STK39: variants seen among roughly 807,000 people sequenced by gnomAD.
The protein encoded by STK39 is serine/threonine kinase 39.
In STK39, 20 loss-of-function variants were observed where a neutral mutation model predicts 77.8. That is an observed-to-expected ratio of 0.26 (90% CI 0.18 to 0.37). STK39 has a LOEUF of 0.37. Ranked by LOEUF, STK39 falls within the 10% of genes least tolerant of loss-of-function variation. The probability of loss-of-function intolerance (pLI) is 1.00; values close to 1 mark genes in which losing one functional copy is unlikely to be tolerated. For synonymous variants in STK39, 246 were observed against 234.1 expected, an observed-to-expected ratio of 1.05 and a Z score of -0.47; for missense variants, 479 against 656.5, an observed-to-expected ratio of 0.73 and a Z score of 2.95.
Position 167,955,518 on chromosome 2 carries a change from A to C in STK39, c.1616T>G (p.Phe539Cys). 2 of 1,613,968 alleles carry C rather than the reference A, an allele frequency of 1.2e-6. No homozygotes were observed. Among genetic ancestry groups the C allele is most frequent in the Non-Finnish European group, 1.7e-6 (2 of 1,179,918 alleles). ...ACATCAGCTGACACTCAACTGAGCAAACCCAATCAGCTTCACTTCATCAGG... is the reference window on the plus strand; with the variant it reads ...ACATCAGCTGACACTCAACTGAGCACACCCAATCAGCTTCACTTCATCAGG... ...EIPDEVKLIG[F>C]AQLSVS The change falls in exon 18 of 18, where the codon TTT becomes TGT. Residue 539 changes from phenylalanine to cysteine, a missense_variant. Phe to Cys is a radical substitution (Grantham distance 205). Transcript: ENST00000355999.
At chr2:168,069,387 AAC>A (rs1217878244) in intron 12 of STK39, among the ~76,000 whole-genome samples, 1 of 152,242 alleles carries the variant, frequency 6.6e-6, no homozygotes, top group African/African-American at 2.4e-5. Flanking sequence ...AGAATTAGGA[AAC>A]AGAAATATTT....
At chr2:167,956,452 G>A (rs1239618984) in intron 17 of STK39, among the ~76,000 whole-genome samples, 1 of 151,902 alleles carries the variant, frequency 6.6e-6, no homozygotes, top group Non-Finnish European at 1.5e-5. Flanking sequence ...AGCTACTTGG[G>A]AGGCTGAGGG....
intron 14 of STK39, among the ~76,000 whole-genome samples, chr2:168,053,381 A>G (rs541821981): frequency 4.1e-4 from 63 of 152,290 alleles, no homozygotes; most frequent in African/African-American, 1.5e-3. Flanking sequence ...ATACAATAAC[A>G]TTTAAAAAAT....
At chr2:167,964,751 A>G (rs766380312) in intron 16 of STK39, 25 bp from the exon 17 acceptor site, 2 of 1,580,238 alleles carry the variant, frequency 1.3e-6, no homozygotes, top group South Asian at 2.3e-5. Flanking sequence ...CGTAGAGAGA[A>G]AGTTTCCAGA....
At chr2:168,030,934 G>A (rs1383197017) in intron 14 of STK39, among the ~76,000 whole-genome samples, 1 of 152,192 alleles carries the variant, frequency 6.6e-6, no homozygotes, top group East Asian at 1.9e-4. Flanking sequence ...ATACATCAGG[G>A]CACACTTGCC....
chr2:168,006,437 T>C (rs1419166412), intron 16 of STK39, among the ~76,000 whole-genome samples: 1 of 152,186 alleles, frequency 6.6e-6, no homozygotes, highest in Non-Finnish European at 1.5e-5. Context: ...GTGTTTTGCA[T>C]TTTTCCCCCG....
At chr2:167,973,903 A>G (rs1287232002) in intron 16 of STK39, among the ~76,000 whole-genome samples, 3 of 152,180 alleles carry the variant, frequency 2.0e-5, no homozygotes, top group Non-Finnish European at 4.4e-5. Context: ...CACAAACAGG[A>G]TTTTCTTAAA....
chr2:168,178,798 T>C (rs958995674), intron 2 of STK39, among the ~76,000 whole-genome samples: 1 of 152,192 alleles, frequency 6.6e-6, no homozygotes, highest in African/African-American at 2.4e-5. Flanking sequence ...AAACCCTGGA[T>C]CCAGCTCTGT....
chr2:168,129,813 T>G lies in STK39; in HGVS notation c.975-55A>C, dbSNP rs904853548. 6 of 1,583,620 alleles carry G rather than the reference T, an allele frequency of 3.8e-6. No homozygotes were observed. The Admixed American group carries it at 1.0e-4, about 26-fold the overall frequency. ...AACAATGACCACTTAATAAATGCAC[T>G]GCCTTGATGAAACAACTTAACCTTA... On this transcript the variant is annotated intron_variant, in intron 8 of 17. Coordinates refer to ENST00000355999, the MANE Select transcript of STK39 (RefSeq NM_013233.3).
intron 16 of STK39, among the ~76,000 whole-genome samples, chr2:168,010,888 A>G (rs1684253147): frequency 6.6e-6 from 1 of 152,264 alleles, no homozygotes. Flanking sequence ...CAAAGTTACT[A>G]GGAACAAATT....
At chr2:168,226,125 C>A (rs1232884506) in intron 1 of STK39, among the ~76,000 whole-genome samples, 1 of 152,116 alleles carries the variant, frequency 6.6e-6, no homozygotes. Flanking sequence ...CAGGTAAAAA[C>A]AGCCAGAGAA....
chr2:167,972,987 G>A (rs1415206615), intron 16 of STK39, among the ~76,000 whole-genome samples: 1 of 152,082 alleles, frequency 6.6e-6, no homozygotes, highest in South Asian at 2.1e-4. Context: ...TCCTGGCCCT[G>A]TTCTTCCAAG....
intron 16 of STK39, among the ~76,000 whole-genome samples, chr2:167,975,553 C>T (rs566697921): frequency 4.1e-4 from 63 of 152,302 alleles, no homozygotes; most frequent in African/African-American, 1.1e-3. Context: ...CGGTGGCTCA[C>T]GCCTGTAATC....
chr2:168,077,529 A>C (rs1686111432), intron 10 of STK39, among the ~76,000 whole-genome samples: 2 of 152,226 alleles, frequency 1.3e-5, no homozygotes, highest in Admixed American at 1.3e-4. Flanking sequence ...TAAGCAATAA[A>C]CATTGGTTAA....
intron 12 of STK39, 122 bp downstream of exon 12, chr2:168,074,860 G>C: frequency 8.6e-7 from 1 of 1,157,462 alleles, no homozygotes; most frequent in Non-Finnish European, 1.2e-6. Flanking sequence ...CAAAGTCCTC[G>C]TGCCTTTCCT....
chr2:167,963,727 G>A (rs973665946), intron 17 of STK39, among the ~76,000 whole-genome samples: 3 of 152,080 alleles, frequency 2.0e-5, no homozygotes, highest in Non-Finnish European at 4.4e-5. Flanking sequence ...TCTAAAATTA[G>A]ATGGGAAGCA....
intron 2 of STK39, among the ~76,000 whole-genome samples, chr2:168,167,962 TA>T (rs1176244708): frequency 2.0e-5 from 3 of 152,190 alleles, no homozygotes; most frequent in East Asian, 3.9e-4. Context: ...TTCCATTAAC[TA>T]AAAAAAGGAG....
intron 16 of STK39, among the ~76,000 whole-genome samples, chr2:168,000,977 G>A (rs1402211271): frequency 6.6e-6 from 1 of 152,158 alleles, no homozygotes; most frequent in Non-Finnish European, 1.5e-5. Context: ...CATTTCTCAA[G>A]TTTAATGGAC....
At chr2:168,240,346 G>C (rs754300864) in intron 1 of STK39, among the ~76,000 whole-genome samples, 1 of 152,182 alleles carries the variant, frequency 6.6e-6, no homozygotes, top group Non-Finnish European at 1.5e-5. Flanking sequence ...AAGAATTTTG[G>C]TATAGCAGTA....
Sources: gnomAD v4.1 joint callset for allele counts (sites outside exome capture counted in the v4.1 genomes callset) on GRCh38, gnomAD v4.1.1 for gene constraint, MANE v1.5 for transcripts, NCBI Gene and HGNC (gene_info 2026-07-23, HGNC 2026-07-21) for gene names.